Variants in CASP1 observed in about 807,000 individuals in gnomAD.
The protein encoded by CASP1 is caspase-1.
A neutral mutation model predicts 41.2 loss-of-function variants in CASP1; 31 were observed. The observed-to-expected ratio is 0.75, with a 90% CI of 0.57 to 1.02. The LOEUF (loss-of-function observed/expected upper bound fraction) is 1.02. Among genes scored for constraint, CASP1 ranks in the 50% least tolerant of loss-of-function variants. The pLI, the probability that CASP1 is intolerant of heterozygous loss-of-function variation, is 0.00. For synonymous variants in CASP1, 163 were observed against 166.5 expected (o/e 0.98, Z 0.16); for missense variants, 490 against 495.7 (o/e 0.99, Z 0.11).
At position 105,026,153 on chromosome 11, in the gene CASP1, A is replaced by C. The variant is rs534811; in HGVS notation, c.*105T>G. On this transcript the variant is annotated 3_prime_UTR_variant, in exon 9 of 9. Transcript: ENST00000533400. ...TTAAGGATTCTCAGCCTGTAAACCT[A>C]GAGTTCTTGACTCAAATGGACTTTC... The C allele has an allele frequency of 1.5e-6, 1 of 685,192 alleles. No individual in the cohort carries two copies. Among genetic ancestry groups the C allele is most frequent in the South Asian group, 2.0e-5 (1 of 51,102 alleles). 42.4% of individuals were successfully genotyped at this position (685,192 alleles called of 1,614,324 possible). A position where few individuals can be genotyped will look rare whatever the true frequency, so the allele number is the denominator to read the frequency against.
At chr11:105,029,353 A>G in intron 6 of CASP1, 86 bp from the exon 7 acceptor site, 1 of 1,145,782 alleles carries the variant, frequency 8.7e-7, no homozygotes, top group Non-Finnish European at 1.2e-6. Context: ...ATATTTATTA[A>G]TGTGTTTGCT....
At chr11:105,033,799 A>C (rs1246692571) in intron 2 of CASP1, 14 of 459,490 alleles carry the variant, frequency 3.0e-5, no homozygotes, top group Non-Finnish European at 5.9e-5. Flanking sequence ...AGTTATAAAA[A>C]GTATTTGATT....
intron 5 of CASP1, 126 bp from the exon 6 acceptor site, chr11:105,030,025 A>G (rs1863583466): frequency 4.0e-6 from 3 of 758,386 alleles, no homozygotes; most frequent in Non-Finnish European, 6.4e-6. Context: ...GGTGCCAAAA[A>G]AAAATTTAGT....
chr11:105,031,362 A>G, intron 3 of CASP1, 82 bp from the exon 4 acceptor site: 1 of 726,436 alleles, frequency 1.4e-6, no homozygotes, highest in Non-Finnish European at 2.4e-6. Context: ...CCTATGGATG[A>G]AGCCACAGAA....
At chr11:105,026,681 G>C (rs939610147) in intron 8 of CASP1, 161 bp downstream of exon 8, 7 of 613,526 alleles carry the variant, frequency 1.1e-5, no homozygotes, top group Admixed American at 2.9e-5. Flanking sequence ...GATTGGATTA[G>C]GCTCCTGGGT....
chr11:105,031,034 G>T, intron 4 of CASP1, 131 bp downstream of exon 4: 2 of 628,666 alleles, frequency 3.2e-6, no homozygotes, highest in South Asian at 1.9e-5. Context: ...AATCCTTTAT[G>T]TAAGGGGAGC....
intron 5 of CASP1, 39 bp from the exon 6 acceptor site, chr11:105,029,938 T>G (rs1431674448): frequency 7.3e-7 from 1 of 1,370,702 alleles, no homozygotes; most frequent in African/African-American, 1.4e-5. Flanking sequence ...ACTATGTAAT[T>G]AACTATCATG....
upstream of CASP1, chr11:105,035,276 T>C: frequency 1.0e-6 from 1 of 973,936 alleles, no homozygotes. Flanking sequence ...CTGCATCAGG[T>C]AGTGTATCCA....
At chr11:105,029,329 G>A (rs778430569) in intron 6 of CASP1, 62 bp from the exon 7 acceptor site, 188 of 1,426,186 alleles carry the variant, frequency 1.3e-4, no homozygotes, top group Non-Finnish European at 1.6e-4. Flanking sequence ...TTTCCTCCTA[G>A]CCTCTGTTCA....
intron 6 of CASP1, 75 bp from the exon 7 acceptor site, chr11:105,029,342 G>T (rs1464384095): frequency 2.4e-6 from 3 of 1,270,954 alleles, no homozygotes; most frequent in African/African-American, 3.0e-5. Flanking sequence ...TCTGTTCAAT[G>T]ATATTTATTA....
Position 105,031,211 on chromosome 11 carries a change from C to CTTG in CASP1, c.406_407insCAA (p.Cys136delinsSerSer). 1 of 1,612,978 alleles carries CTTG rather than the reference C, an allele frequency of 6.2e-7. No individual in the cohort carries two copies. Among genetic ancestry groups the CTTG allele is most frequent in the South Asian group, 1.1e-5 (1 of 91,054 alleles). On this transcript the variant is annotated protein_altering_variant, in exon 4 of 9. Transcript: ENST00000533400. Reference sequence around the variant, plus strand: ...TATCCTTTGAGCTTCTTCTAGGGAGCAAAGCTTGACATTCCCTTCTGAGCC... The same window carrying CTTG: ...TATCCTTTGAGCTTCTTCTAGGGAGCTTGAAAGCTTGACATTCCCTTCTGAGCC...
Position 105,029,674 on chromosome 11 carries a change from A to G in CASP1, c.853T>C (p.Cys285Arg), listed in dbSNP as rs1254343090. The G allele has an allele frequency of 5.6e-6, 9 of 1,611,736 alleles. No homozygotes were observed. Among genetic ancestry groups the G allele is most frequent in the Non-Finnish European group, 7.6e-6 (9 of 1,178,036 alleles). The change falls in exon 6 of 9, where the codon TGC (cysteine) becomes CGC (arginine). Residue 285 changes from cysteine (C) to arginine (R), a missense_variant. Cys to Arg is a radical substitution (Grantham distance 180). Coordinates refer to ENST00000533400, the MANE Select transcript of CASP1 (RefSeq NM_001257118.3). ...DKPKVIIIQA[C>R]RGDSPGVVWF... ...AGGCATCAGCACTCACCACCACGGC[A>G]GGCCTGGATGATGATCACCTTCGGT...
chr11:105,035,601 A>G (rs1591209338), upstream of CASP1, among the ~76,000 whole-genome samples: 1 of 67,360 alleles, frequency 1.5e-5, no homozygotes, highest in East Asian at 4.0e-4. Context: ...TTCTTTTCAC[A>G]TTGCTTTTTT....
Position 105,026,236 on chromosome 11 carries a change from A to G in CASP1, c.*22T>C. ...ACCATACACATGTACCTGCCCACAG[A>G]CATTCATACAGTTTCCTTATTTTAA... On this transcript the variant is annotated 3_prime_UTR_variant, in exon 9 of 9. Transcript: ENST00000533400. The G allele has an allele frequency of 6.8e-7, 1 of 1,464,430 alleles. No individual in the cohort carries two copies. The highest frequency in any genetic ancestry group is 9.6e-7 in the Non-Finnish European group (1 of 1,044,360). 90.7% of individuals were successfully genotyped at this position (1,464,430 alleles called of 1,614,324 possible). A position where few individuals can be genotyped will look rare whatever the true frequency, so the allele number is the denominator to read the frequency against.
At position 105,026,876 on chromosome 11, in the gene CASP1, G is replaced by C. The variant is rs1209516613; in HGVS notation, c.1082C>G (p.Ala361Gly). The C allele has an allele frequency of 1.9e-6, 3 of 1,607,362 alleles. No homozygotes were observed. The highest frequency in any genetic ancestry group is 2.6e-6 in the Non-Finnish European group (3 of 1,174,218). Residue 361 changes from alanine to glycine, a missense_variant, in exon 8 of 9, where the codon GCC becomes GGC. By Grantham distance (60) the Ala-to-Gly change is moderately conservative. Transcript: ENST00000533400. Reference sequence around the variant, plus strand: ...AATTTCCTCCACATCACAGGAACAGGCATATTCTTGCATATGTTCAATGAG... The same window carrying C: ...AATTTCCTCCACATCACAGGAACAGCCATATTCTTGCATATGTTCAATGAG... ...GRLIEHMQEY[A>G]CSCDVEEIFR...
At chr11:105,030,079 C>A (rs1565223581) in intron 5 of CASP1, among the ~76,000 whole-genome samples, 180 bp from the exon 6 acceptor site, 1 of 152,046 alleles carries the variant, frequency 6.6e-6, no homozygotes, top group Non-Finnish European at 1.5e-5. Flanking sequence ...AGGAAGTCAT[C>A]CAGAGTTATC....
chr11:105,028,979 G>C (rs137990318), intron 7 of CASP1, 145 bp downstream of exon 7: 1 of 679,140 alleles, frequency 1.5e-6, no homozygotes, highest in African/African-American at 1.8e-5. Flanking sequence ...ATGCAAAATT[G>C]CTCTCTTGGA....
upstream of CASP1, chr11:105,035,193 A>AT (rs1863954812): frequency 2.5e-6 from 4 of 1,571,394 alleles, no homozygotes; most frequent in Admixed American, 3.3e-5. Context: ...CTGTACATGT[A>AT]TTGGGAAATA....
chr11:105,034,092 C>A, intron 2 of CASP1, 116 bp downstream of exon 2: 1 of 1,556,292 alleles, frequency 6.4e-7, no homozygotes, highest in Admixed American at 1.7e-5. Flanking sequence ...AGAAATATGG[C>A]CCTGAAGCCA....
Sources: gnomAD v4.1 joint callset for allele counts (sites outside exome capture counted in the v4.1 genomes callset) on GRCh38, gnomAD v4.1.1 for gene constraint, MANE v1.5 for transcripts, NCBI Gene and HGNC (gene_info 2026-07-23, HGNC 2026-07-21) for gene names.